The following TMEM131L variants were observed in gnomAD, a reference collection of about 807,000 sequenced individuals.
TMEM131L encodes transmembrane 131 like.
TMEM131L carries 54 observed loss-of-function variants against 192.2 expected under a neutral mutation model. The ratio of observed to expected loss-of-function variants is 0.28; its 90% CI spans 0.23 to 0.35. The LOEUF (loss-of-function observed/expected upper bound fraction) is 0.35, where lower values mean the gene tolerates loss of function less well. Among genes scored for constraint, TMEM131L ranks in the 10% least tolerant of loss-of-function variants. The pLI, the probability that TMEM131L is intolerant of heterozygous loss-of-function variation, is 1.00. For missense variants in TMEM131L, 1,888 were observed against 1,972.9 expected (o/e 0.96, Z 0.82); for synonymous variants, 701 against 704.9 (o/e 0.99, Z 0.09).
At chr4:153,565,832 G>A (rs192978657) in intron 7 of TMEM131L, among the ~76,000 whole-genome samples, 2 of 152,286 alleles carry the variant, frequency 1.3e-5, no homozygotes, top group South Asian at 2.1e-4. Context: ...ATTAGACTGC[G>A]ATTGTAACTA....
chr4:153,518,499 G>A (rs1734889319), intron 3 of TMEM131L, among the ~76,000 whole-genome samples: 1 of 152,078 alleles, frequency 6.6e-6, no homozygotes. Context: ...AAAACATAGT[G>A]AATACATTCA....
At chr4:153,540,622 G>T (rs1736705166) in intron 3 of TMEM131L, among the ~76,000 whole-genome samples, 1 of 152,142 alleles carries the variant, frequency 6.6e-6, no homozygotes, top group Admixed American at 6.5e-5. Context: ...GTAGATAGAA[G>T]AAATGAATGT....
chr4:153,627,457 C>T (rs1322257964), intron 30 of TMEM131L, 148 bp from the exon 31 acceptor site: 1 of 558,398 alleles, frequency 1.8e-6, no homozygotes, highest in East Asian at 3.0e-5. Flanking sequence ...TGTAACTTTA[C>T]ATCCTTTATA....
intron 3 of TMEM131L, among the ~76,000 whole-genome samples, chr4:153,497,291 ACAT>A (rs1274595147): frequency 2.6e-5 from 4 of 152,214 alleles, no homozygotes; most frequent in African/African-American, 9.6e-5. Flanking sequence ...AAGCATCATG[ACAT>A]CATTGAGCTA....
At chr4:153,625,850 G>A (rs970900730) in intron 29 of TMEM131L, among the ~76,000 whole-genome samples, 2 of 151,808 alleles carry the variant, frequency 1.3e-5, no homozygotes, top group African/African-American at 4.9e-5. Flanking sequence ...GGAAGTTGCA[G>A]TGTGCCGAGA....
Position 153,556,471 on chromosome 4 carries a change from T to C in TMEM131L, c.433-495T>C, listed in dbSNP as rs368890376. ...GAAGATCCTAATTGCTAGTAGGCTT[T>C]TATTTATTTTGCTTACTATGTCTGC... On this transcript the variant is annotated intron_variant, in intron 5 of 34. Transcript: ENST00000409959. 3.9e-5 allele frequency among the ~76,000 whole-genome samples: 6 copies of C among 152,004 alleles called. No individual in the cohort carries two copies. In the East Asian group the frequency reaches 9.7e-4, roughly 24 times the overall value.
chr4:153,503,892 T>G (rs748474583), intron 3 of TMEM131L, among the ~76,000 whole-genome samples: 13 of 152,230 alleles, frequency 8.5e-5, no homozygotes, highest in Non-Finnish European at 1.9e-4. Flanking sequence ...AAAACCTCAC[T>G]TCTCTGATTT....
chr4:153,579,052 T>C (rs1004250486), intron 7 of TMEM131L, among the ~76,000 whole-genome samples: 5 of 152,194 alleles, frequency 3.3e-5, no homozygotes, highest in Admixed American at 6.5e-5. Flanking sequence ...GATTTGTTCA[T>C]AGACAAATTT....
At chr4:153,588,310 G>A (rs1464262120) in intron 15 of TMEM131L, among the ~76,000 whole-genome samples, 1 of 144,470 alleles carries the variant, frequency 6.9e-6, no homozygotes, top group African/African-American at 2.6e-5. Context: ...GATTTATAGA[G>A]ATATTTAGGG....
At chr4:153,582,134 C>T (rs2150741010) in intron 9 of TMEM131L, among the ~76,000 whole-genome samples, 1 of 152,266 alleles carries the variant, frequency 6.6e-6, no homozygotes, top group Non-Finnish European at 1.5e-5. Context: ...GTAGAGTATA[C>T]TAGTATCTTT....
chr4:153,493,345 C>CAAAAAAAAAAAAAAA (rs35052272), intron 3 of TMEM131L, among the ~76,000 whole-genome samples: 15 of 72,860 alleles, frequency 2.1e-4, no homozygotes, highest in African/African-American at 9.3e-4. Flanking sequence ...GACTCTGTCT[C>CAAAAAAAAAAAAAAA]AAAAAAAAAA....
At chr4:153,495,181 G>A (rs1733081284) in intron 3 of TMEM131L, among the ~76,000 whole-genome samples, 1 of 152,110 alleles carries the variant, frequency 6.6e-6, no homozygotes, top group South Asian at 2.1e-4. Context: ...CGGGCGTGGT[G>A]GTATGCACCA....
Position 153,501,966 on chromosome 4 carries a change from T to A in TMEM131L, c.239+28078T>A, listed in dbSNP as rs1042527264. Among the ~76,000 whole-genome samples, 8 of 148,366 alleles carry A rather than the reference T, an allele frequency of 5.4e-5. No individual in the cohort carries two copies. In the South Asian group the frequency reaches 8.7e-4, roughly 16 times the overall value. On this transcript the variant is annotated intron_variant, in intron 3 of 34. Coordinates refer to ENST00000409959, the MANE Select transcript of TMEM131L (RefSeq NM_001131007.2). ...GGGTTTTTTTTTTTTTTTTTTTTTT[T>A]AAATGGAGACAGAGTCTTGCTGTTA...
chr4:153,620,997 G>A (rs1578883186), intron 27 of TMEM131L, 117 bp downstream of exon 27: 1 of 690,962 alleles, frequency 1.4e-6, no homozygotes, highest in Non-Finnish European at 2.5e-6. Flanking sequence ...ATATGAGAGT[G>A]TAAATGTTTA....
chr4:153,623,206 G>A, intron 29 of TMEM131L, 123 bp downstream of exon 29: 1 of 853,530 alleles, frequency 1.2e-6, no homozygotes, highest in Non-Finnish European at 1.7e-6. Flanking sequence ...CAGTGGCCTT[G>A]ACCTTTGCTT....
chr4:153,571,767 C>T (rs941490959), intron 7 of TMEM131L, among the ~76,000 whole-genome samples: 19 of 152,040 alleles, frequency 1.2e-4, no homozygotes, highest in African/African-American at 4.3e-4. Flanking sequence ...CACCATGTTG[C>T]CCAGGCTGGT....
intron 27 of TMEM131L, among the ~76,000 whole-genome samples, chr4:153,621,482 C>A (rs1040300685): frequency 6.6e-6 from 1 of 152,204 alleles, no homozygotes; most frequent in Non-Finnish European, 1.5e-5. Context: ...TTCTTTGAGA[C>A]ACTTAATTTC....
chr4:153,616,470 T>G (rs541784204), intron 26 of TMEM131L, among the ~76,000 whole-genome samples: 1 of 152,350 alleles, frequency 6.6e-6, no homozygotes, highest in Non-Finnish European at 1.5e-5. Context: ...ATTGTATAAA[T>G]CTGTCTGTAT....
At chr4:153,548,598 C>T (rs550787139) in intron 3 of TMEM131L, among the ~76,000 whole-genome samples, 10 of 152,062 alleles carry the variant, frequency 6.6e-5, no homozygotes, top group Non-Finnish European at 1.2e-4. Flanking sequence ...CCACTGCGTC[C>T]GGCGGCATCA....
Sources: gnomAD v4.1 joint callset for allele counts (sites outside exome capture counted in the v4.1 genomes callset) on GRCh38, gnomAD v4.1.1 for gene constraint, MANE v1.5 for transcripts, NCBI Gene and HGNC (gene_info 2026-07-23, HGNC 2026-07-21) for gene names.